SLC12A6: variants seen among roughly 807,000 people sequenced by gnomAD.
SLC12A6 encodes K-Cl cotransporter 3.
Under a neutral mutation model 135.3 loss-of-function variants are expected in SLC12A6, and 66 were observed. The observed-to-expected ratio is 0.49, with a 90% CI of 0.40 to 0.60. The LOEUF (loss-of-function observed/expected upper bound fraction) is 0.60, where lower values mean the gene tolerates loss of function less well. Ranked by LOEUF, SLC12A6 falls within the 20% of genes least tolerant of loss-of-function variation. The pLI, the probability that SLC12A6 is intolerant of heterozygous loss-of-function variation, is 0.00. For missense variants in SLC12A6, 1,058 were observed against 1,452.3 expected, an observed-to-expected ratio of 0.73 and a Z score of 4.41; for synonymous variants, 513 against 508.8, an observed-to-expected ratio of 1.01 and a Z score of -0.11.
chr15:34,295,046 A>C (rs1483916140), intron 2 of SLC12A6, among the ~76,000 whole-genome samples: 1 of 152,262 alleles, frequency 6.6e-6, no homozygotes, highest in Non-Finnish European at 1.5e-5. Flanking sequence ...AATAGAAAGA[A>C]TTATCAACAG....
At chr15:34,235,351 A>G in intron 24 of SLC12A6, 37 bp from the exon 25 acceptor site, 1 of 1,592,698 alleles carries the variant, frequency 6.3e-7, no homozygotes, top group Non-Finnish European at 8.6e-7. Flanking sequence ...TAAGGTAAAA[A>G]GACAACTAGC....
Position 34,233,413 on chromosome 15 carries a change from A to C in SLC12A6, c.*468T>G, listed in dbSNP as rs1240271369. 1 of 162,418 alleles carries C rather than the reference A, an allele frequency of 6.2e-6. No individual in the cohort carries two copies. Among genetic ancestry groups the C allele is most frequent in the Non-Finnish European group, 1.4e-5 (1 of 73,294 alleles). 10.1% of individuals were successfully genotyped at this position (162,418 alleles called of 1,614,324 possible). The stretch of plus-strand genomic sequence containing the variant: ...GTTTGCATCTTGGCTTGCCGAGGAT[A>C]ATAGGTCCAAATATACTTGACCATA... On this transcript the variant is annotated 3_prime_UTR_variant, in exon 26 of 26. Transcript: ENST00000354181.
chr15:34,337,275 C>A (rs924040282), intron 1 of SLC12A6, 57 bp downstream of exon 1: 1 of 167,432 alleles, frequency 6.0e-6, no homozygotes, highest in African/African-American at 2.4e-5. Context: ...TTGATGTCGA[C>A]AATCCACTTG....
At chr15:34,260,715 C>T (rs1010780450) in intron 4 of SLC12A6, among the ~76,000 whole-genome samples, 44 of 152,310 alleles carry the variant, frequency 2.9e-4, no homozygotes, top group African/African-American at 1.0e-3. Context: ...AGTCAAACTC[C>T]TCTTCCTTAC....
chr15:34,301,086 A>G (rs1176118810), intron 2 of SLC12A6, among the ~76,000 whole-genome samples: 4 of 152,068 alleles, frequency 2.6e-5, no homozygotes, highest in Admixed American at 2.6e-4. Context: ...CTCCTGTCTC[A>G]GCCTCCTGAA....
intron 2 of SLC12A6, among the ~76,000 whole-genome samples, chr15:34,315,618 A>G (rs1395286562): frequency 6.6e-6 from 1 of 152,230 alleles, no homozygotes; most frequent in Non-Finnish European, 1.5e-5. Context: ...TTAAAGACAT[A>G]ATGCTATTGC....
chr15:34,235,431 A>ATT lies in SLC12A6; in HGVS notation c.3228-119_3228-118dup, dbSNP rs371322623. 3.1e-3 allele frequency: 1,570 copies of ATT among 501,538 alleles called. 2 individuals carry two copies. Among genetic ancestry groups the ATT allele is most frequent in the Middle Eastern group, 4.4e-3 (7 of 1,604 alleles). The allele number at this position is 501,538 out of a possible 1,614,324, so 31.1% of individuals were successfully genotyped here. A position where few individuals can be genotyped will look rare whatever the true frequency, so the allele number is the denominator to read the frequency against. ...TGACTATGGATAATCTGATAAAATG[A>ATT]TTTTTTTTTTTTTTTTTTTTGAGAG... On this transcript the variant is annotated intron_variant, in intron 24 of 25. Transcript: ENST00000354181.
chr15:34,328,599 C>T (rs1057404092), intron 2 of SLC12A6, among the ~76,000 whole-genome samples: 1 of 152,122 alleles, frequency 6.6e-6, no homozygotes, highest in Non-Finnish European at 1.5e-5. Context: ...TATACCAGGG[C>T]CAGGTGCGGT....
intron 2 of SLC12A6, among the ~76,000 whole-genome samples, chr15:34,308,426 A>T (rs1887889950): frequency 6.6e-6 from 1 of 152,104 alleles, no homozygotes; most frequent in South Asian, 2.1e-4. Flanking sequence ...GGAGTTTAAG[A>T]CCAGCCTGGC....
At position 34,250,744 on chromosome 15, in the gene SLC12A6, G is replaced by A; in HGVS notation, c.1493-15C>T. ...AGCCATGATACCTTTAGAGATAAGGGGGAAAAAACCAAGTTAACTTCTTGG... is the reference window on the plus strand; with the variant it reads ...AGCCATGATACCTTTAGAGATAAGGAGGAAAAAACCAAGTTAACTTCTTGG... On this transcript the variant is annotated splice_polypyrimidine_tract_variant and intron_variant, in intron 11 of 25. Transcript: ENST00000354181. 13 of 1,514,952 alleles carry A rather than the reference G, an allele frequency of 8.6e-6. No individual in the cohort carries two copies. Among genetic ancestry groups the A allele is most frequent in the Non-Finnish European group, 1.1e-5 (12 of 1,089,754 alleles). The allele number at this position is 1,514,952 out of a possible 1,614,324, so 93.8% of individuals were successfully genotyped here. A position where few individuals can be genotyped will look rare whatever the true frequency, so the allele number is the denominator to read the frequency against.
intron 17 of SLC12A6, among the ~76,000 whole-genome samples, chr15:34,241,759 A>G (rs564851900): frequency 2.0e-5 from 3 of 152,358 alleles, no homozygotes; most frequent in African/African-American, 7.2e-5. Context: ...CTTAGTAGTT[A>G]CTAAGTTGTT....
intron 2 of SLC12A6, among the ~76,000 whole-genome samples, chr15:34,304,922 C>G (rs538650909): frequency 1.3e-5 from 2 of 152,140 alleles, no homozygotes; most frequent in Non-Finnish European, 2.9e-5. Context: ...AAAACCCCTT[C>G]TTGAATTTTC....
At chr15:34,247,205 T>C (rs1206380172) in intron 13 of SLC12A6, among the ~76,000 whole-genome samples, 1 of 152,156 alleles carries the variant, frequency 6.6e-6, no homozygotes, top group African/African-American at 2.4e-5. Context: ...ACAATTTTTA[T>C]TAAGTATCAC....
At chr15:34,325,157 C>T (rs1889381046) in intron 2 of SLC12A6, among the ~76,000 whole-genome samples, 1 of 152,138 alleles carries the variant, frequency 6.6e-6, no homozygotes, top group Non-Finnish European at 1.5e-5. Flanking sequence ...ATGAGCTGTT[C>T]ACCACTTACA....
intron 2 of SLC12A6, among the ~76,000 whole-genome samples, chr15:34,321,841 G>C (rs1049564305): frequency 2.6e-5 from 4 of 152,192 alleles, no homozygotes; most frequent in Non-Finnish European, 4.4e-5. Context: ...ATTACGGCTA[G>C]GTGAAAGATG....
chr15:34,241,199 A>G (rs975954161), intron 18 of SLC12A6, 34 bp downstream of exon 18: 5 of 1,068,980 alleles, frequency 4.7e-6, no homozygotes, highest in Non-Finnish European at 7.3e-6. Flanking sequence ...TGTGTTAACC[A>G]TGTGCCAAAT....
At chr15:34,334,864 G>C (rs781518077) in intron 2 of SLC12A6, among the ~76,000 whole-genome samples, 1 of 152,126 alleles carries the variant, frequency 6.6e-6, no homozygotes, top group Non-Finnish European at 1.5e-5. Context: ...TAAGGGTAAC[G>C]TAAGAACCGC....
chr15:34,329,912 T>A (rs556555099), intron 2 of SLC12A6, among the ~76,000 whole-genome samples: 1 of 152,284 alleles, frequency 6.6e-6, no homozygotes, highest in Non-Finnish European at 1.5e-5. Flanking sequence ...TTTGTCTATC[T>A]CTCCCCAACT....
rs189231487 is a variant in SLC12A6, at chr15:34,230,493, C to A, written c.*3388G>T. ...GAACCTGGCACCTGTCAAGCAGATGCTGCAGTTCAAACTTCAGCTTTTAAG... is the reference window on the plus strand; with the variant it reads ...GAACCTGGCACCTGTCAAGCAGATGATGCAGTTCAAACTTCAGCTTTTAAG... On this transcript the variant is annotated 3_prime_UTR_variant, in exon 26 of 26. Transcript: ENST00000354181. 2 of 152,536 alleles carry A rather than the reference C, an allele frequency of 1.3e-5. No individual in the cohort carries two copies. Among genetic ancestry groups the A allele is most frequent in the African/African-American group, 4.8e-5 (2 of 41,396 alleles). The allele number at this position is 152,536 out of a possible 1,614,324, so 9.4% of individuals were successfully genotyped here.
Sources: allele counts gnomAD v4.1 joint callset (sites outside exome capture counted in the v4.1 genomes callset), GRCh38; gene constraint gnomAD v4.1.1; transcripts MANE v1.5; gene names NCBI Gene and HGNC (gene_info 2026-07-23, HGNC 2026-07-21).